The following CDYL variants were observed in gnomAD, a reference collection of about 807,000 sequenced individuals.
CDYL encodes the protein chromodomain Y like.
Under a neutral mutation model 47.3 loss-of-function variants are expected in CDYL, and 8 were observed. The ratio of observed to expected loss-of-function variants is 0.17; its 90% CI spans 0.10 to 0.31. The LOEUF (loss-of-function observed/expected upper bound fraction) is 0.31. Ranked by LOEUF, CDYL falls within the 10% of genes least tolerant of loss-of-function variation. The pLI is 1.00. For missense variants in CDYL, 471 were observed against 701.4 expected (o/e 0.67, Z 3.71); for synonymous variants, 266 against 265.0 (o/e 1.00, Z -0.04).
upstream of CDYL, among the ~76,000 whole-genome samples, chr6:4,773,844 A>T (rs1041129192): frequency 6.6e-6 from 1 of 152,184 alleles, no homozygotes; most frequent in East Asian, 1.9e-4. The surrounding 1 kb of genome is among the most constrained non-coding windows in gnomAD (Gnocchi z 4.6). Context: ...AACATTCCAG[A>T]TTGTCAAGAT....
At chr6:4,716,574 G>A (rs570627273) in intron 2 of CDYL, among the ~76,000 whole-genome samples, 7 of 148,084 alleles carry the variant, frequency 4.7e-5, no homozygotes, top group African/African-American at 1.3e-4. Flanking sequence ...GTTTACAAGC[G>A]TCAGAGAAGG....
intron 3 of CDYL, among the ~76,000 whole-genome samples, chr6:4,740,417 G>A (rs547269363): frequency 3.7e-4 from 57 of 152,216 alleles, no homozygotes; most frequent in African/African-American, 1.3e-3. Context: ...GGAGAGTGTC[G>A]AGGCCAGGGA....
intron 1 of CDYL, among the ~76,000 whole-genome samples, chr6:4,822,949 C>T (rs73364545): frequency 0.045 from 6,901 of 152,204 alleles, 526 homozygotes; most frequent in African/African-American, 0.16. Context: ...AATAACTTAG[C>T]AGAATACACT....
intron 1 of CDYL, among the ~76,000 whole-genome samples, chr6:4,853,791 C>G (rs1760922221): frequency 6.6e-6 from 1 of 152,276 alleles, no homozygotes; most frequent in Non-Finnish European, 1.5e-5. Flanking sequence ...ACACCTGTCC[C>G]CACACCTGCC....
intron 1 of CDYL, among the ~76,000 whole-genome samples, chr6:4,783,058 G>GA (rs1440579901): frequency 5.3e-5 from 8 of 152,006 alleles, no homozygotes; most frequent in East Asian, 1.9e-4. Context: ...TATTGCCCAT[G>GA]AAAAAATCCC....
intron 1 of CDYL, among the ~76,000 whole-genome samples, chr6:4,876,314 G>A (rs1761619444): frequency 6.6e-6 from 1 of 152,140 alleles, no homozygotes; most frequent in South Asian, 2.1e-4. Flanking sequence ...TTTTGTACAA[G>A]TCTTTCTGCT....
chr6:4,920,475 C>G (rs1487080550), intron 2 of CDYL, among the ~76,000 whole-genome samples: 1 of 152,206 alleles, frequency 6.6e-6, no homozygotes, highest in Non-Finnish European at 1.5e-5. Flanking sequence ...AGACGGGACT[C>G]TGCTGCCAAG....
intron 1 of CDYL, among the ~76,000 whole-genome samples, chr6:4,801,749 T>G (rs1759231977): frequency 6.6e-6 from 1 of 152,208 alleles, no homozygotes; most frequent in African/African-American, 2.4e-5. Context: ...CTCCACCAGC[T>G]TTGAGCTCTG....
At chr6:4,859,912 T>C (rs1761114794) in intron 1 of CDYL, among the ~76,000 whole-genome samples, 1 of 151,538 alleles carries the variant, frequency 6.6e-6, no homozygotes, top group Non-Finnish European at 1.5e-5. Flanking sequence ...TTTTTCTTTT[T>C]TTTTTTGGAG....
chr6:4,806,406 C>T (rs1471959135), intron 1 of CDYL, among the ~76,000 whole-genome samples: 1 of 151,786 alleles, frequency 6.6e-6, no homozygotes, highest in African/African-American at 2.4e-5. Context: ...AGAGGATCTT[C>T]ATGGCTGTCA....
Position 4,942,459 on chromosome 6 carries a change from T to C in CDYL, c.1122-1087T>C, listed in dbSNP as rs561848045. ...TTAAATTGCTGAATTGTAGAGAGCA[T>C]CTAGATTGTTATTTTCAGTATTAAA... is the stretch of plus-strand genomic sequence containing the variant. On this transcript the variant is annotated intron_variant, in intron 4 of 6. Coordinates refer to ENST00000397588, the MANE Select transcript of CDYL (RefSeq NM_004824.4). Among the ~76,000 whole-genome samples, 212 of 152,252 alleles carry C rather than the reference T, an allele frequency of 1.4e-3. 1 individual carries two copies. Among genetic ancestry groups the C allele is most frequent in the African/African-American group, 4.7e-3 (194 of 41,546 alleles).
chr6:4,847,539 A>G (rs1760698952), intron 1 of CDYL, among the ~76,000 whole-genome samples: 1 of 152,170 alleles, frequency 6.6e-6, no homozygotes, highest in Non-Finnish European at 1.5e-5. Flanking sequence ...CTGTTGAGTG[A>G]TGGTATAAGA....
intron 2 of CDYL, among the ~76,000 whole-genome samples, chr6:4,907,252 C>T (rs1452170789): frequency 6.6e-6 from 1 of 152,212 alleles, no homozygotes; most frequent in South Asian, 2.1e-4. Flanking sequence ...AAACAGACCA[C>T]CCTGCTGCAG....
chr6:4,926,620 G>T, intron 2 of CDYL, among the ~76,000 whole-genome samples: 1 of 152,338 alleles, frequency 6.6e-6, no homozygotes, highest in Non-Finnish European at 1.5e-5. Context: ...GGATGCTGTA[G>T]TGTAGTTTCA....
chr6:4,852,515 TCTTCCTTCCTTCCTTCCAATCTTC>T (rs1561670291), intron 1 of CDYL, among the ~76,000 whole-genome samples: 17 of 87,028 alleles, frequency 2.0e-4, no homozygotes, highest in African/African-American at 1.1e-3. Flanking sequence ...TTCCTTCCAA[TCTTCCTTCCTTCCTTCCAATCTTC>T]CTTCCTTCCT....
At position 4,852,314 on chromosome 6, in the gene CDYL, T is replaced by TCTTCCTTCCTTCCTTC. The variant is rs567284610; in HGVS notation, c.25-39393_25-39378dup. 1.3e-3 allele frequency among the ~76,000 whole-genome samples: 203 copies of TCTTCCTTCCTTCCTTC among 151,338 alleles called. 1 individual carries two copies. The highest frequency in any genetic ancestry group is 4.5e-3 in the African/African-American group (185 of 40,772). On this transcript the variant is annotated intron_variant, in intron 1 of 6. Transcript: ENST00000397588. ...ATTCCTCCTAAAAAGGCAGGGCCAG[T>TCTTCCTTCCTTCCTTC]CTTCCTTCCTTCCTTCCTTCCCTCC...
At chr6:4,827,537 A>G (rs946544761) in intron 1 of CDYL, among the ~76,000 whole-genome samples, 4 of 152,254 alleles carry the variant, frequency 2.6e-5, no homozygotes, top group East Asian at 1.9e-4. Context: ...ATCAGCTTCA[A>G]TAGCATACAA....
intron 4 of CDYL, among the ~76,000 whole-genome samples, chr6:4,941,357 G>A (rs1468469690): frequency 6.6e-6 from 1 of 152,142 alleles, no homozygotes; most frequent in Non-Finnish European, 1.5e-5. Flanking sequence ...TATGGTCCTG[G>A]GAAGTTTCTA....
At chr6:4,727,841 T>C (rs1195187255) in intron 2 of CDYL, among the ~76,000 whole-genome samples, 8 of 152,092 alleles carry the variant, frequency 5.3e-5, no homozygotes, top group Non-Finnish European at 1.2e-4. Flanking sequence ...GGTGACATGG[T>C]GACAAACGGT....
Sources: gnomAD v4.1 joint callset for allele counts (sites outside exome capture counted in the v4.1 genomes callset) on GRCh38, gnomAD v4.1.1 for gene constraint, Gnocchi (gnomAD v3.1) non-coding constraint, MANE v1.5 for transcripts, NCBI Gene and HGNC (gene_info 2026-07-23, HGNC 2026-07-21) for gene names.